PARP1: variants seen among roughly 807,000 people sequenced by gnomAD.
The protein encoded by PARP1 is poly [ADP-ribose] polymerase 1.
In PARP1, 44 loss-of-function variants were observed where a neutral mutation model predicts 118.7. The ratio of observed to expected loss-of-function variants is 0.37; its 90% CI spans 0.29 to 0.48. The LOEUF (loss-of-function observed/expected upper bound fraction) is 0.48. Among genes scored for constraint, PARP1 ranks in the 20% least tolerant of loss-of-function variants. The pLI is 0.99. For missense variants in PARP1, 1,100 were observed against 1,272.4 expected (o/e 0.86, Z 2.06); for synonymous variants, 492 against 483.2 (o/e 1.02, Z -0.24).
intron 2 of PARP1, among the ~76,000 whole-genome samples, chr1:226,395,407 A>G (rs149694292): frequency 1.6e-3 from 241 of 152,330 alleles, no homozygotes; most frequent in African/African-American, 5.6e-3. Context: ...GCCAAAATGC[A>G]GAAACCTGGC....
In PARP1 at chr1:226,368,195, C is replaced by A; in HGVS notation, c.2277+4G>T. The A allele has an allele frequency of 6.2e-7, 1 of 1,614,180 alleles. No individual in the cohort carries two copies. The highest frequency in any genetic ancestry group is 8.5e-7 in the Non-Finnish European group (1 of 1,180,028). On this transcript the variant is annotated splice_donor_region_variant and intron_variant, in intron 16 of 22. Coordinates refer to ENST00000366794, the MANE Select transcript of PARP1 (RefSeq NM_001618.4). ...CTGCAGTCCCTTCTGAACCCTTGCG[C>A]TACCTGCACACTGTCTGCATTGTTC... is the stretch of plus-strand genomic sequence containing the variant.
At chr1:226,384,458 C>T (rs1409112714) in intron 7 of PARP1, among the ~76,000 whole-genome samples, 1 of 152,240 alleles carries the variant, frequency 6.6e-6, no homozygotes, top group Non-Finnish European at 1.5e-5. Flanking sequence ...CGCACATGCA[C>T]ATAACCTTTA....
chr1:226,372,364 G>C (rs1664403220), intron 14 of PARP1, among the ~76,000 whole-genome samples: 1 of 152,194 alleles, frequency 6.6e-6, no homozygotes, highest in Admixed American at 6.5e-5. Context: ...TACCTGTCCA[G>C]TGAAAAACAT....
intron 18 of PARP1, among the ~76,000 whole-genome samples, 169 bp downstream of exon 18, chr1:226,365,785 C>CA (rs1664251135): frequency 3.4e-5 from 5 of 148,066 alleles, no homozygotes; most frequent in East Asian, 2.0e-4. Context: ...AAACAAAAAA[C>CA]AAACAAACAA....
In PARP1 at chr1:226,388,761, G is replaced by T. The variant is rs748632552; in HGVS notation, c.618-6C>A. The T allele has an allele frequency of 1.2e-6, 2 of 1,606,508 alleles. No individual in the cohort carries two copies. Among genetic ancestry groups the T allele is most frequent in the Non-Finnish European group, 1.7e-6 (2 of 1,173,204 alleles). On this transcript the variant is annotated splice_region_variant and splice_polypyrimidine_tract_variant and intron_variant, in intron 4 of 22. Coordinates refer to ENST00000366794, the MANE Select transcript of PARP1 (RefSeq NM_001618.4). ...CCTCATCGCCTTTTCTCTTTCTGAA[G>T]GAGACACAGGATATGAGAGACAGCC...
Position 226,407,815 on chromosome 1 carries a change from C to G in PARP1, c.115G>C (p.Val39Leu), listed in dbSNP as rs142025196. 6 of 1,571,118 alleles carry G rather than the reference C, an allele frequency of 3.8e-6. No individual in the cohort carries two copies. The African/African-American group carries it at 6.8e-5, about 18-fold the overall frequency. Residue 39 changes from valine (V) to leucine (L), a missense_variant, in exon 1 of 23, where the codon GTG becomes CTG. By Grantham distance (32) the Val-to-Leu change is conservative. Around this residue, in one of 2 missense-constraint regions of PARP1, gnomAD observed 948 missense variants for 1,031.8 expected, o/e 0.92. Coordinates refer to ENST00000366794, the MANE Select transcript of PARP1 (RefSeq NM_001618.4). ...GCCCGCACAGCGGCCCGCACCTGCACCATGATGGCCATCCGGAGCGAGTCC... is the reference window on the plus strand; with the variant it reads ...GCCCGCACAGCGGCCCGCACCTGCAGCATGATGGCCATCCGGAGCGAGTCC... ...PKDSLRMAIM[V>L]QSPMFDGKVP...
At chr1:226,379,900 G>A (rs372277407) in intron 10 of PARP1, 22 bp downstream of exon 10, 168 of 1,612,846 alleles carry the variant, frequency 1.0e-4, no homozygotes, top group Non-Finnish European at 1.3e-4. Flanking sequence ...TGGCCCTGGA[G>A]GGGGCAGCTT....
Position 226,364,070 on chromosome 1 carries a change from T to C in PARP1, c.2659A>G (p.Thr887Ala). Reference sequence around the variant, plus strand: ...ATCCCTTTACCAAACATGTAGCCTGTCTGGAAGGTCGGAAAAGGGAGAGCT... The same window carrying C: ...ATCCCTTTACCAAACATGTAGCCTGCCTGGAAGGTCGGAAAAGGGAGAGCT... ...LRIAPPEAPV[T>A]GYMFGKGIYF... The change falls in exon 20 of 23, where the codon ACA becomes GCA. Residue 887 changes from threonine (T) to alanine (A), a missense_variant and splice_region_variant. Transcript: ENST00000366794. The C allele has an allele frequency of 6.2e-7, 1 of 1,613,986 alleles. No homozygotes were observed. The highest frequency in any genetic ancestry group is 8.5e-7 in the Non-Finnish European group (1 of 1,179,864).
intron 14 of PARP1, 63 bp from the exon 15 acceptor site, chr1:226,370,580 T>C: frequency 7.3e-7 from 1 of 1,362,604 alleles, no homozygotes; most frequent in Non-Finnish European, 1.0e-6. Flanking sequence ...GCAGGAGAGC[T>C]GGACCGGGCA....
intron 4 of PARP1, among the ~76,000 whole-genome samples, chr1:226,389,605 C>T (rs932002): frequency 0.15 from 23,061 of 152,234 alleles, 2,548 homozygotes; most frequent in East Asian, 0.43. Context: ...TGAACTCCAA[C>T]ACCTATATCA....
intron 4 of PARP1, 54 bp from the exon 5 acceptor site, chr1:226,388,809 C>T: frequency 7.4e-7 from 1 of 1,347,090 alleles, no homozygotes; most frequent in Non-Finnish European, 1.1e-6. Flanking sequence ...AGTCTGACAC[C>T]CAATGACTTG....
rs1210934747 is a variant in PARP1 at position 226,362,079 on chromosome 1, C to T, written c.2853G>A (p.Leu951=). Residue 951 remains leucine, a synonymous_variant, in exon 22 of 23, where the codon TTG becomes TTA. Coordinates refer to ENST00000366794, the MANE Select transcript of PARP1 (RefSeq NM_001618.4). ...LPKGKHSVKG[L]GKTTPDPSAN... ...CTGAAGGATCAGGGGTAGTTTTGCC[C>T]AAACCTGAAAAACAGAAGTCACAAG... is the stretch of plus-strand genomic sequence containing the variant. The T allele has an allele frequency of 1.9e-6, 3 of 1,604,050 alleles. No homozygotes were observed. In the Admixed American group the frequency reaches 5.0e-5, roughly 27 times the overall value.
chr1:226,405,917 A>G lies in PARP1; in HGVS notation c.120+1893T>C, dbSNP rs374904582. On this transcript the variant is annotated intron_variant, in intron 1 of 22. Coordinates refer to ENST00000366794, the MANE Select transcript of PARP1 (RefSeq NM_001618.4). ...GATCGCTTGAGCTCAGGAGTTTGAG[A>G]CCAGCCTGGGCAACATAGTGAGACC... Among the ~76,000 whole-genome samples, 26 of 152,252 alleles carry G rather than the reference A, an allele frequency of 1.7e-4. No individual in the cohort carries two copies. In the East Asian group the frequency reaches 2.3e-3, roughly 14 times the overall value.
At chr1:226,377,025 C>CT in intron 13 of PARP1, 83 bp downstream of exon 13, 1 of 1,204,302 alleles carries the variant, frequency 8.3e-7, no homozygotes, top group Admixed American at 1.7e-5. Flanking sequence ...ATGATGCCAC[C>CT]TGATCCACGA....
chr1:226,361,881 C>T, intron 22 of PARP1, 88 bp downstream of exon 22: 1 of 820,486 alleles, frequency 1.2e-6, no homozygotes, highest in Non-Finnish European at 2.1e-6. Flanking sequence ...TAATCCTTGT[C>T]TGCCCCAGGT....
At chr1:226,405,572 C>A (rs1417998717) in intron 1 of PARP1, among the ~76,000 whole-genome samples, 1 of 152,164 alleles carries the variant, frequency 6.6e-6, no homozygotes, top group Non-Finnish European at 1.5e-5. Context: ...TCCCAAAGTG[C>A]TGAGATTACA....
chr1:226,379,817 C>G (rs1664568959), intron 10 of PARP1, 105 bp downstream of exon 10: 8 of 1,568,762 alleles, frequency 5.1e-6, no homozygotes, highest in Non-Finnish European at 7.0e-6. Flanking sequence ...CTGCAGCACT[C>G]AACAGGCCAT....
chr1:226,405,116 G>A (rs540083271), intron 1 of PARP1, among the ~76,000 whole-genome samples: 17 of 152,268 alleles, frequency 1.1e-4, no homozygotes, highest in African/African-American at 4.1e-4. Flanking sequence ...TCAAGCAAGT[G>A]AAAAGGCTTC....
At chr1:226,363,800 A>T in intron 20 of PARP1, 143 bp downstream of exon 20, 1 of 858,774 alleles carries the variant, frequency 1.2e-6, no homozygotes, top group Non-Finnish European at 1.9e-6. Context: ...GGATTCTGCT[A>T]CTTATAAGAA....
Sources: allele counts gnomAD v4.1 joint callset (sites outside exome capture counted in the v4.1 genomes callset), GRCh38; gene constraint gnomAD v4.1.1; regional missense constraint gnomAD v4.1.1; transcripts MANE v1.5; gene names NCBI Gene and HGNC (gene_info 2026-07-23, HGNC 2026-07-21).